The following GMEB2 variants were observed in gnomAD, a reference collection of about 807,000 sequenced individuals.
The protein encoded by GMEB2 is glucocorticoid modulatory element-binding protein 2.
GMEB2 carries 7 observed loss-of-function variants against 45.7 expected under a neutral mutation model. That is an observed-to-expected ratio of 0.15 (90% confidence interval 0.09 to 0.29). The LOEUF is 0.29. GMEB2 is among the 10% of genes least tolerant of loss of function. The pLI, the probability that GMEB2 is intolerant of heterozygous loss-of-function variation, is 1.00. For missense variants in GMEB2, 582 were observed against 739.2 expected (o/e 0.79, Z 2.47); for synonymous variants, 322 against 323.6 (o/e 1.00, Z 0.05).
intron 6 of GMEB2, among the ~76,000 whole-genome samples, chr20:63,595,096 C>T (rs1254957945): frequency 6.6e-6 from 1 of 152,212 alleles, no homozygotes; most frequent in Non-Finnish European, 1.5e-5. Context: ...TAGGGAACAA[C>T]CTCTCCACAG....
chr20:63,619,170 C>G lies in GMEB2; in HGVS notation c.131+97G>C, dbSNP rs2089628309. 4.9e-6 allele frequency: 6 copies of G among 1,232,556 alleles called. No individual in the cohort carries two copies. In the South Asian group the frequency reaches 6.5e-5, roughly 13 times the overall value. The allele number at this position is 1,232,556 out of a possible 1,614,324, so 76.4% of individuals were successfully genotyped here. A position where few individuals can be genotyped will look rare whatever the true frequency, so the allele number is the denominator to read the frequency against. Reference sequence around the variant, plus strand: ...TCAGAAGAACTGGAACTAGAAAAATCCTGACACTTGTCCCTTACTACGTTA... The same window carrying G: ...TCAGAAGAACTGGAACTAGAAAAATGCTGACACTTGTCCCTTACTACGTTA... On this transcript the variant is annotated intron_variant, in intron 2 of 9. Coordinates refer to ENST00000370077, the MANE Select transcript of GMEB2 (RefSeq NM_012384.5). The surrounding 1 kb of genome is among the most constrained non-coding windows in gnomAD (Gnocchi z 4.6).
intron 4 of GMEB2, among the ~76,000 whole-genome samples, chr20:63,599,438 A>G (rs397898): frequency 0.91 from 137,885 of 152,258 alleles, 62,594 homozygotes; most frequent in East Asian, 1. Context: ...ACATCCTTCC[A>G]TCATGATCTG....
At chr20:63,604,604 A>T in intron 3 of GMEB2, 139 bp downstream of exon 3, 1 of 622,562 alleles carries the variant, frequency 1.6e-6, no homozygotes, top group South Asian at 1.8e-5. Context: ...CTGGCCTCTC[A>T]CTCCTAAGGG....
At chr20:63,625,071 C>T (rs1031128951) in intron 1 of GMEB2, among the ~76,000 whole-genome samples, 19 of 152,156 alleles carry the variant, frequency 1.2e-4, no homozygotes, top group Non-Finnish European at 2.8e-4. Context: ...GAAAATAGTG[C>T]AAGTCCTTGA....
chr20:63,612,300 T>C (rs938565710), intron 2 of GMEB2, among the ~76,000 whole-genome samples: 3 of 152,172 alleles, frequency 2.0e-5, no homozygotes, highest in Non-Finnish European at 2.9e-5. Context: ...CTTGGATCAG[T>C]GAGGTGCCTT....
Position 63,602,970 on chromosome 20 carries a change from C to T in GMEB2, c.352G>A (p.Val118Ile). ...FVCPGINVKC[V>I]QYDEHVISPK... ...TGAATGCAGCCTGTGCTCACCTGAACACATTTCACATTGATGCCGGGACAC... is the reference window on the plus strand; with the variant it reads ...TGAATGCAGCCTGTGCTCACCTGAATACATTTCACATTGATGCCGGGACAC... The change falls in exon 4 of 10, where the codon GTT becomes ATT. Residue 118 changes from valine to isoleucine, a missense_variant. Around this residue, in one of 3 missense-constraint regions of GMEB2, gnomAD observed 462 missense variants for 586.7 expected, o/e 0.79. Coordinates refer to ENST00000370077, the MANE Select transcript of GMEB2 (RefSeq NM_012384.5). 6.2e-7 allele frequency: 1 copy of T among 1,614,050 alleles called. No individual in the cohort carries two copies. Among genetic ancestry groups the T allele is most frequent in the Non-Finnish European group, 8.5e-7 (1 of 1,179,918 alleles).
At chr20:63,602,548 C>CTTT (rs2083249290) in intron 4 of GMEB2, among the ~76,000 whole-genome samples, 1 of 152,230 alleles carries the variant, frequency 6.6e-6, no homozygotes, top group Non-Finnish European at 1.5e-5. Flanking sequence ...TGTGAGGCAG[C>CTTT]ATCTGTAAGA....
chr20:63,604,704 G>A (rs377064420), intron 3 of GMEB2, 39 bp downstream of exon 3: 72 of 1,085,444 alleles, frequency 6.6e-5, no homozygotes, highest in South Asian at 2.7e-4. Flanking sequence ...TCCCTGCTGC[G>A]GCAAGAAGGC....
rs185707443 is a variant in GMEB2, at chr20:63,616,587, G to A, written c.131+2680C>T. Among the ~76,000 whole-genome samples, 6 of 152,408 alleles carry A rather than the reference G, an allele frequency of 3.9e-5. No individual in the cohort carries two copies. In the East Asian group the frequency reaches 1.2e-3, roughly 29 times the overall value. ...CAGACGCAGAGAGCAGCAAGGTGCA[G>A]ACTGAGAGGCGGAGGCTGGCCGTGG... is the stretch of plus-strand genomic sequence containing the variant. On this transcript the variant is annotated intron_variant, in intron 2 of 9. Transcript: ENST00000370077.
Position 63,592,931 on chromosome 20 carries a change from C to T in GMEB2, c.691+80G>A, listed in dbSNP as rs894762556. 2.2e-6 allele frequency: 2 copies of T among 927,826 alleles called. No homozygotes were observed. Among genetic ancestry groups the T allele is most frequent in the African/African-American group, 1.6e-5 (1 of 61,482 alleles). The allele number at this position is 927,826 out of a possible 1,614,324, so 57.5% of individuals were successfully genotyped here. A position where few individuals can be genotyped will look rare whatever the true frequency, so the allele number is the denominator to read the frequency against. ...GCCGGCCCCACCTGGACTCCTGGAGCCCCTGTGTGGCCCGAGGTGGGCAGA... is the reference window on the plus strand; with the variant it reads ...GCCGGCCCCACCTGGACTCCTGGAGTCCCTGTGTGGCCCGAGGTGGGCAGA... On this transcript the variant is annotated intron_variant, in intron 7 of 9. Transcript: ENST00000370077. This position sits in a 1 kb window ranked among gnomAD's most constrained non-coding sequence, Gnocchi z 8.2.
intron 4 of GMEB2, among the ~76,000 whole-genome samples, chr20:63,600,315 G>A (rs2083232584): frequency 1.3e-5 from 2 of 151,998 alleles, no homozygotes; most frequent in South Asian, 4.2e-4. Flanking sequence ...AAAGTGCTGG[G>A]ATTACAGGCG....
chr20:63,594,140 G>T (rs939793641), intron 6 of GMEB2, among the ~76,000 whole-genome samples: 3 of 152,250 alleles, frequency 2.0e-5, no homozygotes, highest in Non-Finnish European at 2.9e-5. Flanking sequence ...GAATTATTTG[G>T]GGCGTGAATG....
chr20:63,623,318 C>T (rs1321573919), intron 1 of GMEB2, among the ~76,000 whole-genome samples: 3 of 152,224 alleles, frequency 2.0e-5, no homozygotes, highest in Admixed American at 2.0e-4. Flanking sequence ...TGGGCAATTT[C>T]CCATTAGGGC....
chr20:63,621,006 CA>C (rs1046084089), intron 1 of GMEB2, among the ~76,000 whole-genome samples: 1 of 152,108 alleles, frequency 6.6e-6, no homozygotes, highest in Non-Finnish European at 1.5e-5. Context: ...GGTATAGAAA[CA>C]GGAGTTATAA....
At chr20:63,612,467 A>G (rs527423719) in intron 2 of GMEB2, among the ~76,000 whole-genome samples, 2 of 152,304 alleles carry the variant, frequency 1.3e-5, no homozygotes, top group African/African-American at 2.4e-5. Context: ...CGTGGCCACA[A>G]GGGGTGAGCT....
Position 63,592,494 on chromosome 20 carries a change from G to C in GMEB2, c.829+39C>G, listed in dbSNP as rs2083155803. The C allele has an allele frequency of 6.4e-7, 1 of 1,561,960 alleles. No homozygotes were observed. Among genetic ancestry groups the C allele is most frequent in the Non-Finnish European group, 8.8e-7 (1 of 1,138,128 alleles). ...GCCTCACCTCCTGCAGAGACTCCTGGGCTGAGTAGCCAGCAAGAGGGAAGA... is the reference window on the plus strand; with the variant it reads ...GCCTCACCTCCTGCAGAGACTCCTGCGCTGAGTAGCCAGCAAGAGGGAAGA... On this transcript the variant is annotated intron_variant, in intron 8 of 9. Coordinates refer to ENST00000370077, the MANE Select transcript of GMEB2 (RefSeq NM_012384.5). The surrounding 1 kb of genome is among the most constrained non-coding windows in gnomAD (Gnocchi z 8.2).
Position 63,589,221 on chromosome 20 carries a change from G to A in GMEB2, c.*868C>T, listed in dbSNP as rs1006156806. ...GATCTCAGACCCCTGGGAGGGGCCG[G>A]CTCAGGGACAGGCTGCCCAGGACCT... On this transcript the variant is annotated 3_prime_UTR_variant, in exon 10 of 10. Coordinates refer to ENST00000370077, the MANE Select transcript of GMEB2 (RefSeq NM_012384.5). 19 of 399,102 alleles carry A rather than the reference G, an allele frequency of 4.8e-5. No individual in the cohort carries two copies. The highest frequency in any genetic ancestry group is 8.8e-5 in the Admixed American group (2 of 22,722). 24.7% of individuals were successfully genotyped at this position (399,102 alleles called of 1,614,324 possible).
At chr20:63,596,513 C>T (rs1467068163) in intron 5 of GMEB2, among the ~76,000 whole-genome samples, 1 of 152,226 alleles carries the variant, frequency 6.6e-6, no homozygotes, top group African/African-American at 2.4e-5. Flanking sequence ...CCTACCTGGC[C>T]GGTGGTCCCC....
Position 63,592,783 on chromosome 20 carries a change from G to C in GMEB2, c.692-113C>G. On this transcript the variant is annotated intron_variant, in intron 7 of 9. Coordinates refer to ENST00000370077, the MANE Select transcript of GMEB2 (RefSeq NM_012384.5). This position sits in a 1 kb window ranked among gnomAD's most constrained non-coding sequence, Gnocchi z 8.2. ...CGAGGACACCATGCCAGAGCCGGCA[G>C]CGCCTGGCACTGTGCTGGGCTTGCA... 4.2e-6 allele frequency: 4 copies of C among 941,818 alleles called. No individual in the cohort carries two copies. The highest frequency in any genetic ancestry group is 1.6e-5 in the African/African-American group (1 of 61,706). 58.3% of individuals were successfully genotyped at this position (941,818 alleles called of 1,614,324 possible). A position where few individuals can be genotyped will look rare whatever the true frequency, so the allele number is the denominator to read the frequency against.
Sources: allele counts gnomAD v4.1 joint callset (sites outside exome capture counted in the v4.1 genomes callset), GRCh38; gene constraint gnomAD v4.1.1; regional missense constraint gnomAD v4.1.1; non-coding constraint Gnocchi (gnomAD v3.1); transcripts MANE v1.5; gene names NCBI Gene and HGNC (gene_info 2026-07-23, HGNC 2026-07-21).